Variants in MACROD2 observed in about 807,000 individuals in gnomAD.
The protein encoded by MACROD2 is ADP-ribose glycohydrolase MACROD2.
In MACROD2, 36 loss-of-function variants were observed where a neutral mutation model predicts 70.4. The observed-to-expected ratio is 0.51, with a 90% CI of 0.39 to 0.68. MACROD2 has a LOEUF of 0.68. Among genes scored for constraint, MACROD2 ranks in the 30% least tolerant of loss-of-function variants. MACROD2 has a pLI of 0.00. For synonymous variants in MACROD2, 172 were observed against 178.8 expected (o/e 0.96, Z 0.30); for missense variants, 496 against 538.4 (o/e 0.92, Z 0.78).
At chr20:14,430,717 A>G (rs1158018557) in intron 3 of MACROD2, among the ~76,000 whole-genome samples, 1 of 152,128 alleles carries the variant, frequency 6.6e-6, no homozygotes, top group Admixed American at 6.5e-5. Flanking sequence ...GATAAGAGAT[A>G]TTTCCCAGCT....
intron 3 of MACROD2, among the ~76,000 whole-genome samples, chr20:14,148,738 T>A (rs2054973317): frequency 6.6e-6 from 1 of 152,182 alleles, no homozygotes; most frequent in African/African-American, 2.4e-5. Context: ...CTTATTTTAT[T>A]TTTTACCCAG....
intron 9 of MACROD2, among the ~76,000 whole-genome samples, chr20:15,878,286 T>C (rs1176058756): frequency 4.6e-5 from 7 of 152,154 alleles, no homozygotes; most frequent in Non-Finnish European, 7.4e-5. Context: ...GTTAGTTCAG[T>C]TGAAATATTG....
In MACROD2 at chr20:14,401,932, C is replaced by A. The variant is rs184666636; in HGVS notation, c.272-91547C>A. ...TTAGATCCACAAATTGAAGTGCCAT[C>A]CACCAGCTGTTACATTCTCTGAACA... On this transcript the variant is annotated intron_variant, in intron 3 of 17. Transcript: ENST00000684519. Among the ~76,000 whole-genome samples, 269 of 152,254 alleles carry A rather than the reference C, an allele frequency of 1.8e-3. 2 individuals carry two copies. Among genetic ancestry groups the A allele is most frequent in the African/African-American group, 6.4e-3 (266 of 41,540 alleles).
chr20:15,217,330 G>A (rs1464019011), intron 5 of MACROD2, among the ~76,000 whole-genome samples: 1 of 152,098 alleles, frequency 6.6e-6, no homozygotes, highest in Non-Finnish European at 1.5e-5. Context: ...TACTCGACTT[G>A]ATGCTTTCAC....
At chr20:14,178,018 A>AT (rs1355538472) in intron 3 of MACROD2, among the ~76,000 whole-genome samples, 1 of 152,150 alleles carries the variant, frequency 6.6e-6, no homozygotes, top group Non-Finnish European at 1.5e-5. Context: ...ATAAAACATT[A>AT]AAAAAATTTT....
At chr20:14,102,224 A>C (rs1250847424) in intron 3 of MACROD2, among the ~76,000 whole-genome samples, 1 of 151,632 alleles carries the variant, frequency 6.6e-6, no homozygotes, top group Non-Finnish European at 1.5e-5. Flanking sequence ...GGATGGTCTC[A>C]ATCTCCTGAC....
At chr20:14,616,313 C>T (rs1405400842) in intron 4 of MACROD2, among the ~76,000 whole-genome samples, 12 of 152,096 alleles carry the variant, frequency 7.9e-5, no homozygotes, top group Admixed American at 7.2e-4. Context: ...GCCATCCCTT[C>T]CAGGCCTTTA....
chr20:14,804,463 C>A (rs1484396218), intron 5 of MACROD2, among the ~76,000 whole-genome samples: 9 of 151,988 alleles, frequency 5.9e-5, no homozygotes, highest in African/African-American at 2.2e-4. Context: ...CTCCATGCAA[C>A]CTGCCTATGA....
chr20:15,090,636 A>G (rs965891146), intron 5 of MACROD2, among the ~76,000 whole-genome samples: 2 of 152,094 alleles, frequency 1.3e-5, no homozygotes, highest in Non-Finnish European at 2.9e-5. Context: ...GAGCTGTTCA[A>G]AGTTTGGTGA....
In MACROD2 at chr20:14,846,154, T is replaced by G. The variant is rs544277847; in HGVS notation, c.418+161195T>G. Among the ~76,000 whole-genome samples, 5 of 152,308 alleles carry G rather than the reference T, an allele frequency of 3.3e-5. No individual in the cohort carries two copies. The South Asian group carries it at 1.0e-3, about 32-fold the overall frequency. On this transcript the variant is annotated intron_variant, in intron 5 of 17. Transcript: ENST00000684519. ...TAGTCAAGAATATAACATGATATTA[T>G]TAGACTCCTAATTACAAATATTTGG...
At chr20:14,312,653 A>G (rs995516382) in intron 3 of MACROD2, among the ~76,000 whole-genome samples, 5 of 152,220 alleles carry the variant, frequency 3.3e-5, no homozygotes, top group Non-Finnish European at 4.4e-5. Context: ...CCCCTGCAAT[A>G]TATTGCCTAT....
chr20:15,403,270 A>G (rs1294126558), intron 6 of MACROD2, among the ~76,000 whole-genome samples: 1 of 152,148 alleles, frequency 6.6e-6, no homozygotes, highest in Admixed American at 6.5e-5. Context: ...GTCTCACCTT[A>G]AGAAGTTTTT....
intron 7 of MACROD2, among the ~76,000 whole-genome samples, chr20:15,490,215 T>C (rs1022173862): frequency 3.9e-4 from 55 of 142,694 alleles, no homozygotes; most frequent in Non-Finnish European, 6.1e-5. Flanking sequence ...CTTCCTTCCT[T>C]CCTTCCTCCC....
intron 8 of MACROD2, among the ~76,000 whole-genome samples, chr20:15,718,438 A>G (rs1239416947): frequency 6.6e-6 from 1 of 152,206 alleles, no homozygotes; most frequent in Non-Finnish European, 1.5e-5. Context: ...GCATTTTTAC[A>G]TAGAGGTAAT....
intron 6 of MACROD2, among the ~76,000 whole-genome samples, chr20:15,424,475 T>C (rs2146345939): frequency 6.6e-6 from 1 of 152,296 alleles, no homozygotes; most frequent in East Asian, 1.9e-4. Context: ...CCTGGCACTT[T>C]GGGAGGCCAA....
intron 8 of MACROD2, among the ~76,000 whole-genome samples, chr20:15,564,713 T>C (rs2048288667): frequency 6.6e-6 from 1 of 152,218 alleles, no homozygotes; most frequent in African/African-American, 2.4e-5. Context: ...GTTGCAAGAA[T>C]GCTGGAGAGA....
chr20:14,104,293 A>G (rs1422644916), intron 3 of MACROD2, among the ~76,000 whole-genome samples: 2 of 152,200 alleles, frequency 1.3e-5, no homozygotes, highest in Non-Finnish European at 2.9e-5. Context: ...ATTGGCACCA[A>G]TAGGGTACAA....
chr20:16,003,240 G>A (rs1355143854), intron 15 of MACROD2, among the ~76,000 whole-genome samples: 1 of 152,072 alleles, frequency 6.6e-6, no homozygotes, highest in Admixed American at 6.6e-5. Context: ...CTAGGAACTT[G>A]CTAAAAGTGC....
chr20:15,957,608 T>A (rs951982295), intron 12 of MACROD2, among the ~76,000 whole-genome samples: 3 of 152,156 alleles, frequency 2.0e-5, no homozygotes, highest in Admixed American at 2.0e-4. Context: ...AGTTATTAAG[T>A]CATTACTCCA....
Sources: allele counts gnomAD v4.1 joint callset (sites outside exome capture counted in the v4.1 genomes callset), GRCh38; gene constraint gnomAD v4.1.1; transcripts MANE v1.5; gene names NCBI Gene and HGNC (gene_info 2026-07-23, HGNC 2026-07-21).